The following EFHD1 variants were observed in gnomAD, a reference collection of about 807,000 sequenced individuals.
EFHD1 encodes the protein EF-hand domain-containing protein D1.
EFHD1 carries 10 observed loss-of-function variants against 17.2 expected under a neutral mutation model. The observed-to-expected ratio is 0.58, with a 90% CI of 0.36 to 0.99. EFHD1 has a LOEUF of 0.99. Ranked by LOEUF, EFHD1 falls within the 50% of genes least tolerant of loss-of-function variation. The pLI is 0.01. For missense variants in EFHD1, 310 were observed against 327.5 expected (o/e 0.95, Z 0.41); for synonymous variants, 153 against 142.0 (o/e 1.08, Z -0.55).
At chr2:232,622,104 C>T (rs1694027285) in intron 1 of EFHD1, among the ~76,000 whole-genome samples, 1 of 152,234 alleles carries the variant, frequency 6.6e-6, no homozygotes, top group South Asian at 2.1e-4. Flanking sequence ...TGACCCTTCT[C>T]TACAAAGGGT....
intron 3 of EFHD1, among the ~76,000 whole-genome samples, chr2:232,676,391 G>A (rs531029329): frequency 6.6e-6 from 1 of 152,278 alleles, no homozygotes; most frequent in Non-Finnish European, 1.5e-5. Flanking sequence ...GGGAGGTTAG[G>A]GAATGTCTTT....
At chr2:232,637,171 T>C (rs978852982) in intron 1 of EFHD1, among the ~76,000 whole-genome samples, 1 of 152,164 alleles carries the variant, frequency 6.6e-6, no homozygotes, top group East Asian at 1.9e-4. Flanking sequence ...TCAGCCGGGC[T>C]GTGCTGCCCT....
intron 2 of EFHD1, among the ~76,000 whole-genome samples, chr2:232,669,428 A>G (rs1475034051): frequency 6.6e-6 from 1 of 152,152 alleles, no homozygotes; most frequent in African/African-American, 2.4e-5. Context: ...AGGGTGTCTT[A>G]CAAGGCATTT....
At position 232,681,625 on chromosome 2, in the gene EFHD1, T is replaced by G. The variant is rs752189423; in HGVS notation, c.626T>G (p.Leu209Trp). Residue 209 changes from leucine to tryptophan, a missense_variant, in exon 4 of 4, where the codon TTG (leucine) becomes TGG (tryptophan). Physicochemically the swap from Leu to Trp is moderately conservative, Grantham distance 61 (BLOSUM62 -2). Coordinates refer to ENST00000264059, the MANE Select transcript of EFHD1 (RefSeq NM_025202.4). ...TCGGCCAGTAAGTTTGAAGCAGAGT[T>G]GAAAGCTGAGCAAGATGAGCGGAAG... ...LSSASKFEAE[L>W]KAEQDERKRE... 1.1e-5 allele frequency: 17 copies of G among 1,614,224 alleles called. No individual in the cohort carries two copies. Among genetic ancestry groups the G allele is most frequent in the Non-Finnish European group, 1.2e-5 (14 of 1,180,030 alleles).
chr2:232,681,098 G>A (rs1415164000), intron 3 of EFHD1, among the ~76,000 whole-genome samples: 1 of 152,048 alleles, frequency 6.6e-6, no homozygotes, highest in Non-Finnish European at 1.5e-5. Flanking sequence ...GGAGATTGCA[G>A]TGAGCCAAGA....
intron 1 of EFHD1, among the ~76,000 whole-genome samples, chr2:232,619,183 A>G (rs528366842): frequency 6.3e-4 from 90 of 143,028 alleles, no homozygotes; most frequent in African/African-American, 2.1e-3. Context: ...AAATAAATAA[A>G]TAAATAAACA....
intron 1 of EFHD1, among the ~76,000 whole-genome samples, chr2:232,640,951 A>G (rs530638602): frequency 6.6e-6 from 1 of 152,196 alleles, no homozygotes; most frequent in South Asian, 2.1e-4. Flanking sequence ...TGAGTGCTTG[A>G]CCTTGGATGG....
chr2:232,612,914 G>A (rs1693835438), intron 1 of EFHD1, among the ~76,000 whole-genome samples: 1 of 151,684 alleles, frequency 6.6e-6, no homozygotes, highest in South Asian at 2.1e-4. Context: ...TGTATTTTTA[G>A]TAGAGATGGG....
At chr2:232,628,192 C>T (rs1016459936) in intron 1 of EFHD1, among the ~76,000 whole-genome samples, 2 of 152,116 alleles carry the variant, frequency 1.3e-5, no homozygotes, top group African/African-American at 4.8e-5. Flanking sequence ...TCCTGAGTAG[C>T]TGGGATTACA....
At chr2:232,654,819 G>A (rs1216810588) in intron 1 of EFHD1, among the ~76,000 whole-genome samples, 2 of 152,152 alleles carry the variant, frequency 1.3e-5, no homozygotes, top group Admixed American at 6.5e-5. Flanking sequence ...GGGAGGCTGC[G>A]CTAGCTCCGG....
chr2:232,640,504 A>G (rs1047671070), intron 1 of EFHD1, among the ~76,000 whole-genome samples: 1 of 152,192 alleles, frequency 6.6e-6, no homozygotes, highest in Admixed American at 6.5e-5. Context: ...CCAACCTGCT[A>G]TGAGCTATTC....
chr2:232,620,096 GAC>G (rs1184504975), intron 1 of EFHD1, among the ~76,000 whole-genome samples: 1 of 149,704 alleles, frequency 6.7e-6, no homozygotes, highest in Non-Finnish European at 1.5e-5. Flanking sequence ...TTTTTTAAGA[GAC>G]AGAGTCTCGG....
chr2:232,681,725 C>G lies in EFHD1; in HGVS notation c.*6C>G. ...AGGCCAACTTCAATACATAGTCCTG[C>G]TGACCTTGCCCTCTGCCCACAGCTG... On this transcript the variant is annotated 3_prime_UTR_variant, in exon 4 of 4. Coordinates refer to ENST00000264059, the MANE Select transcript of EFHD1 (RefSeq NM_025202.4). 6.2e-7 allele frequency: 1 copy of G among 1,613,194 alleles called. No individual in the cohort carries two copies. Among genetic ancestry groups the G allele is most frequent in the Non-Finnish European group, 8.5e-7 (1 of 1,179,554 alleles).
chr2:232,627,329 T>C (rs1694126049), intron 1 of EFHD1, among the ~76,000 whole-genome samples: 1 of 150,778 alleles, frequency 6.6e-6, no homozygotes. Context: ...TACAAAAATA[T>C]GCATAGGTCA....
At chr2:232,645,489 C>T (rs908744196) in intron 1 of EFHD1, among the ~76,000 whole-genome samples, 3 of 152,216 alleles carry the variant, frequency 2.0e-5, no homozygotes, top group African/African-American at 7.2e-5. Context: ...AATCTGGCTG[C>T]TGACAGCCCT....
At position 232,634,009 on chromosome 2, in the gene EFHD1, G is replaced by A; in HGVS notation, c.302+3G>A. ...GACCTGGAGAGCATGTTCAAACTGT[G>A]AGCTCCCGCTGCGCGCCCTTCGCCC... On this transcript the variant is annotated splice_donor_region_variant and intron_variant, in intron 1 of 3. Coordinates refer to ENST00000264059, the MANE Select transcript of EFHD1 (RefSeq NM_025202.4). 1 of 1,597,282 alleles carries A rather than the reference G, an allele frequency of 6.3e-7. No individual in the cohort carries two copies. The highest frequency in any genetic ancestry group is 1.7e-5 in the Admixed American group (1 of 59,984).
At chr2:232,646,436 CTTTTT>C (rs71398729) in intron 1 of EFHD1, among the ~76,000 whole-genome samples, 8 of 67,174 alleles carry the variant, frequency 1.2e-4, no homozygotes, top group South Asian at 7.5e-4. Flanking sequence ...CTCTTCTCTT[CTTTTT>C]TTTTTTTTTT....
intron 1 of EFHD1, among the ~76,000 whole-genome samples, chr2:232,645,776 C>T (rs910726722): frequency 1.3e-5 from 2 of 152,198 alleles, no homozygotes; most frequent in Non-Finnish European, 1.5e-5. Flanking sequence ...TATCAGACCC[C>T]ATTTCACAGA....
chr2:232,648,421 G>T (rs1694573332), intron 1 of EFHD1, among the ~76,000 whole-genome samples: 1 of 151,876 alleles, frequency 6.6e-6, no homozygotes, highest in African/African-American at 2.4e-5. Flanking sequence ...AGCTGGTTGG[G>T]CAGGAAGGAG....
Sources: allele counts gnomAD v4.1 joint callset (sites outside exome capture counted in the v4.1 genomes callset), GRCh38; gene constraint gnomAD v4.1.1; transcripts MANE v1.5; gene names NCBI Gene and HGNC (gene_info 2026-07-23, HGNC 2026-07-21).